Variants in GTF2IRD1 observed in about 807,000 individuals in gnomAD.
The protein encoded by GTF2IRD1 is general transcription factor II-I repeat domain-containing protein 1.
In GTF2IRD1, 26 loss-of-function variants were observed where a neutral mutation model predicts 113.2. That is an observed-to-expected ratio of 0.23 (90% CI 0.17 to 0.32). GTF2IRD1 has a LOEUF of 0.32. Ranked by LOEUF, GTF2IRD1 falls within the 10% of genes least tolerant of loss-of-function variation. The pLI, the probability that GTF2IRD1 is intolerant of heterozygous loss-of-function variation, is 1.00. For synonymous variants in GTF2IRD1, 484 were observed against 529.1 expected (o/e 0.91, Z 1.17); for missense variants, 864 against 1,280.8 (o/e 0.67, Z 4.97).
At chr7:74,581,708 C>G (rs149973467) in intron 22 of GTF2IRD1, among the ~76,000 whole-genome samples, 1 of 152,292 alleles carries the variant, frequency 6.6e-6, no homozygotes, top group Non-Finnish European at 1.5e-5. Flanking sequence ...ACCTGCAGCT[C>G]TCCGAGATGC....
At chr7:74,494,503 A>G (rs1795546071) in intron 1 of GTF2IRD1, among the ~76,000 whole-genome samples, 1 of 152,216 alleles carries the variant, frequency 6.6e-6, no homozygotes, top group Non-Finnish European at 1.5e-5. Flanking sequence ...ACCTGGCTGC[A>G]GAGGTCACGT....
At chr7:74,591,042 G>T in intron 24 of GTF2IRD1, 25 bp downstream of exon 24, 2 of 1,559,840 alleles carry the variant, frequency 1.3e-6, no homozygotes, top group Non-Finnish European at 1.8e-6. Flanking sequence ...TCTGGAACGG[G>T]GAACAGAGAG....
intron 24 of GTF2IRD1, among the ~76,000 whole-genome samples, chr7:74,594,010 C>T (rs751302159): frequency 4.6e-5 from 7 of 151,744 alleles, no homozygotes; most frequent in East Asian, 1.9e-4. Context: ...CCAGCCTGGC[C>T]AACATAGTGA....
At chr7:74,594,505 G>A (rs1401008649) in intron 24 of GTF2IRD1, among the ~76,000 whole-genome samples, 2 of 152,212 alleles carry the variant, frequency 1.3e-5, no homozygotes, top group African/African-American at 4.8e-5. Context: ...CCAGAGGAAA[G>A]ATTTGCCAGC....
intron 9 of GTF2IRD1, among the ~76,000 whole-genome samples, chr7:74,531,774 G>C (rs1470769704): frequency 1.3e-5 from 2 of 151,936 alleles, no homozygotes; most frequent in Non-Finnish European, 2.9e-5. Context: ...CCCTGGCCCA[G>C]GTATCTGCAG....
At chr7:74,578,150 CCTA>C (rs1801190500) in intron 22 of GTF2IRD1, among the ~76,000 whole-genome samples, 1 of 152,036 alleles carries the variant, frequency 6.6e-6, no homozygotes, top group African/African-American at 2.4e-5. Flanking sequence ...GTAATGTTTG[CCTA>C]AACAAAAATT....
chr7:74,530,529 T>C (rs1797900089), intron 9 of GTF2IRD1, among the ~76,000 whole-genome samples: 1 of 112,478 alleles, frequency 8.9e-6, no homozygotes, highest in Non-Finnish European at 1.7e-5. Context: ...AGAGATGGGA[T>C]CTTGCTATAT....
At chr7:74,540,709 G>A (rs587698358) in intron 14 of GTF2IRD1, among the ~76,000 whole-genome samples, 1 of 151,880 alleles carries the variant, frequency 6.6e-6, no homozygotes, top group South Asian at 2.1e-4. Flanking sequence ...AGCACTTTGG[G>A]AACCCAAGGT....
intron 22 of GTF2IRD1, among the ~76,000 whole-genome samples, chr7:74,578,936 G>A (rs1442223574): frequency 6.6e-6 from 1 of 150,792 alleles, no homozygotes; most frequent in African/African-American, 2.4e-5. Flanking sequence ...GCAGTGAGCT[G>A]AGATCATGCC....
chr7:74,458,129 C>T (rs555988051), intron 1 of GTF2IRD1, among the ~76,000 whole-genome samples: 12 of 152,186 alleles, frequency 7.9e-5, no homozygotes, highest in African/African-American at 2.9e-4. Flanking sequence ...CCTCTGCCTC[C>T]CAAAGTGCTG....
At chr7:74,553,208 T>C (rs1315675855) in intron 17 of GTF2IRD1, among the ~76,000 whole-genome samples, 1 of 151,746 alleles carries the variant, frequency 6.6e-6, no homozygotes, top group Non-Finnish European at 1.5e-5. Flanking sequence ...CGGCTCACTG[T>C]AGCCTCCACC....
In GTF2IRD1 at chr7:74,462,632, CAGA is replaced by C. The variant is rs570279371; in HGVS notation, c.-7+8462_-7+8464del. On this transcript the variant is annotated intron_variant, in intron 1 of 26. Coordinates refer to ENST00000424337, the MANE Select transcript of GTF2IRD1 (RefSeq NM_005685.4). ...GGCCCTGCATCAGCTCGGGACCCCC[CAGA>C]AGAAGGTGGTTCCTCTTTCTCATTT... Among the ~76,000 whole-genome samples, 60 of 152,314 alleles carry C rather than the reference CAGA, an allele frequency of 3.9e-4. 1 individual carries two copies. In the East Asian group the frequency reaches 0.01, roughly 26 times the overall value.
intron 1 of GTF2IRD1, among the ~76,000 whole-genome samples, chr7:74,477,069 A>C (rs1469313333): frequency 2.0e-5 from 3 of 152,158 alleles, no homozygotes; most frequent in Non-Finnish European, 4.4e-5. Flanking sequence ...CCAAGTGTTT[A>C]AAGCAAGAAC....
chr7:74,521,736 C>T (rs57146589), intron 7 of GTF2IRD1, among the ~76,000 whole-genome samples: 37,288 of 151,874 alleles, frequency 0.25, 5,323 homozygotes, highest in African/African-American at 0.39. Context: ...CACTCCAGCC[C>T]GGGCAACAGT....
intron 1 of GTF2IRD1, among the ~76,000 whole-genome samples, chr7:74,496,839 C>T (rs1335240626): frequency 6.6e-6 from 1 of 152,054 alleles, no homozygotes; most frequent in Admixed American, 6.6e-5. Flanking sequence ...CCAAACACTT[C>T]CTCTCTTCCC....
In GTF2IRD1 at chr7:74,529,875, G is replaced by A. The variant is rs782113777; in HGVS notation, c.1232G>A (p.Arg411Gln). Residue 411 changes from arginine (R) to glutamine (Q), a missense_variant, in exon 9 of 27, where the codon CGG (arginine) becomes CAG (glutamine). Physicochemically the swap from Arg to Gln is conservative, Grantham distance 43 (BLOSUM62 1). Transcript: ENST00000424337. ...ACTTATGGAGTCCCCAAGCTGAAGC[G>A]GATCCTGGAGGAGCGCCATAGTATC... ...PCTYGVPKLKRILEERHSIHF... is the reference protein window; with the variant it reads ...PCTYGVPKLKQILEERHSIHF... 12 of 1,613,996 alleles carry A rather than the reference G, an allele frequency of 7.4e-6. No homozygotes were observed. The highest frequency in any genetic ancestry group is 2.2e-5 in the East Asian group (1 of 44,858).
At chr7:74,547,020 C>A in intron 16 of GTF2IRD1, 83 bp from the exon 17 acceptor site, 1 of 1,296,978 alleles carries the variant, frequency 7.7e-7, no homozygotes, top group Non-Finnish European at 1.1e-6. Flanking sequence ...CAGCTTTGCC[C>A]CCCGACACAG....
chr7:74,550,744 C>T (rs1176928714), intron 17 of GTF2IRD1, among the ~76,000 whole-genome samples: 6 of 151,832 alleles, frequency 4.0e-5, no homozygotes, highest in African/African-American at 2.4e-5. Context: ...CCCATCTCTA[C>T]AAAAAATTTT....
intron 1 of GTF2IRD1, among the ~76,000 whole-genome samples, chr7:74,504,973 G>C (rs896127087): frequency 6.6e-6 from 1 of 151,958 alleles, no homozygotes; most frequent in Non-Finnish European, 1.5e-5. Flanking sequence ...CTCTCAAAGC[G>C]CTGGGATTAC....
Sources: allele counts gnomAD v4.1 joint callset (sites outside exome capture counted in the v4.1 genomes callset), GRCh38; gene constraint gnomAD v4.1.1; transcripts MANE v1.5; gene names NCBI Gene and HGNC (gene_info 2026-07-23, HGNC 2026-07-21).